The following CCDC7 variants were observed in gnomAD, a reference collection of about 807,000 sequenced individuals.
CCDC7 encodes coiled-coil domain containing 7.
Under a neutral mutation model 196.9 loss-of-function variants are expected in CCDC7, and 183 were observed. The ratio of observed to expected loss-of-function variants is 0.93; its 90% CI spans 0.82 to 1.05. The LOEUF is 1.05. Among genes scored for constraint, CCDC7 ranks in the 50% least tolerant of loss-of-function variants. The pLI is 0.00. For synonymous variants in CCDC7, 525 were observed against 484.6 expected (o/e 1.08, Z -1.10); for missense variants, 1,540 against 1,482.2 (o/e 1.04, Z -0.64).
At chr10:32,624,745 G>T (rs900061836) in intron 18 of CCDC7, among the ~76,000 whole-genome samples, 1 of 151,384 alleles carries the variant, frequency 6.6e-6, no homozygotes, top group African/African-American at 2.4e-5. Flanking sequence ...GACAGCACTG[G>T]GTGTGTGTGT....
At chr10:32,791,569 C>T (rs746291612) in intron 29 of CCDC7, among the ~76,000 whole-genome samples, 38 of 150,890 alleles carry the variant, frequency 2.5e-4, no homozygotes, top group Admixed American at 9.3e-4. Flanking sequence ...GAGTTGAACT[C>T]AGTGAATGAA....
At chr10:32,621,702 G>A (rs1001083894) in intron 18 of CCDC7, among the ~76,000 whole-genome samples, 1 of 152,114 alleles carries the variant, frequency 6.6e-6, no homozygotes, top group Non-Finnish European at 1.5e-5. Flanking sequence ...GAATCTGAAG[G>A]CCCAACAACC....
intron 11 of CCDC7, among the ~76,000 whole-genome samples, chr10:32,519,131 T>C (rs558105022): frequency 6.6e-6 from 1 of 152,150 alleles, no homozygotes; most frequent in Non-Finnish European, 1.5e-5. Context: ...TTTGATCAGT[T>C]AGAGAAGGAG....
intron 18 of CCDC7, among the ~76,000 whole-genome samples, chr10:32,617,617 A>G (rs1308369726): frequency 6.6e-6 from 1 of 151,602 alleles, no homozygotes; most frequent in Non-Finnish European, 1.5e-5. Flanking sequence ...CTTGGTATTG[A>G]TTTCTAGTTT....
At chr10:32,715,870 C>A (rs1020509023) in intron 25 of CCDC7, among the ~76,000 whole-genome samples, 1 of 152,016 alleles carries the variant, frequency 6.6e-6, no homozygotes, top group African/African-American at 2.4e-5. Context: ...TGAAAAGGAA[C>A]CAAGAAAGCC....
intron 18 of CCDC7, among the ~76,000 whole-genome samples, chr10:32,599,749 T>C (rs2060801775): frequency 6.6e-6 from 1 of 152,180 alleles, no homozygotes; most frequent in African/African-American, 2.4e-5. Flanking sequence ...TTAGTGCACC[T>C]GTCACCTGAG....
intron 18 of CCDC7, among the ~76,000 whole-genome samples, chr10:32,601,759 A>G (rs1417730753): frequency 1.3e-5 from 2 of 150,724 alleles, no homozygotes; most frequent in African/African-American, 2.4e-5. Flanking sequence ...ACCAATCAAC[A>G]CTCTGTGTCT....
At chr10:32,569,835 A>T (rs1301977840) in intron 15 of CCDC7, among the ~76,000 whole-genome samples, 1 of 152,138 alleles carries the variant, frequency 6.6e-6, no homozygotes, top group Non-Finnish European at 1.5e-5. Context: ...GGGTACATAT[A>T]TAGTCTATAG....
At chr10:32,448,279 A>G (rs1470500045), upstream of CCDC7, among the ~76,000 whole-genome samples, 1 of 151,934 alleles carries the variant, frequency 6.6e-6, no homozygotes, top group East Asian at 1.9e-4. Flanking sequence ...ATTTAAGGGC[A>G]TGTATCCCTG....
intron 28 of CCDC7, among the ~76,000 whole-genome samples, chr10:32,771,681 G>T (rs1254354045): frequency 6.6e-6 from 1 of 152,108 alleles, no homozygotes; most frequent in Non-Finnish European, 1.5e-5. Context: ...TAATGGGGGT[G>T]GCAGGAGAGT....
intron 25 of CCDC7, among the ~76,000 whole-genome samples, chr10:32,720,478 T>C (rs1345815902): frequency 1.3e-5 from 2 of 151,982 alleles, no homozygotes; most frequent in Non-Finnish European, 2.9e-5. Context: ...ACGTAGATGA[T>C]GGGTTGATGG....
At chr10:32,451,727 T>C in exon 1 of CCDC7, 1 of 1,614,064 alleles carries the variant, frequency 6.2e-7, no homozygotes, top group Non-Finnish European at 8.5e-7. Flanking sequence ...ACTACATAAT[T>C]TACCATTATC....
rs181301114 is a variant in CCDC7, at chr10:32,670,797, G to T, written c.2122+6636G>T. On this transcript the variant is annotated intron_variant, in intron 21 of 41. Transcript: ENST00000639629. ...TTTTCTCCCTTCTATTGTTTTTCTA[G>T]TATCTATTTTGTTTATTTCTTCCAT... Among the ~76,000 whole-genome samples, 110 of 151,502 alleles carry T rather than the reference G, an allele frequency of 7.3e-4. 3 individuals are homozygous for T. The highest frequency in any genetic ancestry group is 2.0e-3 in the Admixed American group (30 of 15,206).
intron 33 of CCDC7, among the ~76,000 whole-genome samples, chr10:32,835,620 G>T (rs1425748608): frequency 6.6e-6 from 1 of 152,070 alleles, no homozygotes; most frequent in African/African-American, 2.4e-5. Flanking sequence ...ACCTATAAAT[G>T]GGAGCTAAAT....
chr10:32,499,344 C>T (rs928284426), intron 9 of CCDC7: 1 of 152,090 alleles, frequency 6.6e-6, no homozygotes, highest in African/African-American at 2.4e-5. Flanking sequence ...TTCTAGGAGA[C>T]ATCTGATTAT....
intron 11 of CCDC7, among the ~76,000 whole-genome samples, chr10:32,529,150 T>C (rs1421855824): frequency 1.3e-5 from 2 of 152,072 alleles, no homozygotes; most frequent in Non-Finnish European, 2.9e-5. Context: ...GCCTCCCAAG[T>C]AACTGGGGAT....
At chr10:32,714,643 C>G (rs1413214733) in intron 25 of CCDC7, among the ~76,000 whole-genome samples, 1 of 152,222 alleles carries the variant, frequency 6.6e-6, no homozygotes, top group Non-Finnish European at 1.5e-5. Context: ...CTGAGATCCA[C>G]TGGCTTGAAA....
chr10:32,701,009 A>G (rs1165938390), intron 24 of CCDC7, among the ~76,000 whole-genome samples: 2 of 152,220 alleles, frequency 1.3e-5, no homozygotes, highest in African/African-American at 4.8e-5. Flanking sequence ...AAACAGGGAC[A>G]ATATGACTTC....
At chr10:32,814,888 A>G (rs1010522198) in intron 31 of CCDC7, among the ~76,000 whole-genome samples, 3 of 152,238 alleles carry the variant, frequency 2.0e-5, no homozygotes, top group African/African-American at 7.2e-5. Flanking sequence ...CAAATAAATA[A>G]TGGAAAGAGA....
Sources: allele counts gnomAD v4.1 joint callset (sites outside exome capture counted in the v4.1 genomes callset), GRCh38; gene constraint gnomAD v4.1.1; transcripts MANE v1.5; gene names NCBI Gene and HGNC (gene_info 2026-07-23, HGNC 2026-07-21).